CACNG3: variants seen among roughly 807,000 people sequenced by gnomAD.
CACNG3 encodes the protein voltage-dependent calcium channel gamma-3 subunit.
CACNG3 carries 3 observed loss-of-function variants against 28.5 expected under a neutral mutation model. The ratio of observed to expected loss-of-function variants is 0.11; its 90% CI spans 0.05 to 0.27. The LOEUF is 0.27. Ranked by LOEUF, CACNG3 falls within the 10% of genes least tolerant of loss-of-function variation. CACNG3 has a pLI of 1.00. For synonymous variants in CACNG3, 174 were observed against 162.2 expected, an observed-to-expected ratio of 1.07 and a Z score of -0.55; for missense variants, 236 against 414.4, an observed-to-expected ratio of 0.57 and a Z score of 3.74.
chr16:24,297,283 T>C (rs1899044970), intron 1 of CACNG3, among the ~76,000 whole-genome samples: 1 of 150,254 alleles, frequency 6.7e-6, no homozygotes, highest in Non-Finnish European at 1.5e-5. Flanking sequence ...ATAAAATAAA[T>C]AAATAAATAA....
chr16:24,315,296 T>C (rs371989367), intron 1 of CACNG3, among the ~76,000 whole-genome samples: 2 of 152,072 alleles, frequency 1.3e-5, no homozygotes, highest in African/African-American at 4.8e-5. Flanking sequence ...GGGAAGGGTC[T>C]CCTCCGAATC....
chr16:24,256,844 G>T lies in CACNG3; in HGVS notation c.90G>T (p.Thr30=). 1 of 1,612,604 alleles carries T rather than the reference G, an allele frequency of 6.2e-7. No homozygotes were observed. Among genetic ancestry groups the T allele is most frequent in the Non-Finnish European group, 8.5e-7 (1 of 1,178,616 alleles). ...AFSLMTIAVG[T]DYWLYSRGVC... is the part of the protein sequence containing the mutation. ...GTTTAATGACCATTGCAGTGGGCAC[G>T]GACTACTGGTTATATTCCAGAGGTG... Residue 30 remains threonine (T), a synonymous_variant, in exon 1 of 4, where the codon ACG becomes ACT. Coordinates refer to ENST00000005284, the MANE Select transcript of CACNG3 (RefSeq NM_006539.4). This position sits in a 1 kb window ranked among gnomAD's most constrained non-coding sequence, Gnocchi z 4.6.
At chr16:24,332,251 C>T (rs1455487473) in intron 1 of CACNG3, among the ~76,000 whole-genome samples, 1 of 152,166 alleles carries the variant, frequency 6.6e-6, no homozygotes, top group African/African-American at 2.4e-5. Flanking sequence ...CAATTGAGGC[C>T]AGAAGTTTGA....
chr16:24,271,707 C>T (rs1339656831), intron 1 of CACNG3, among the ~76,000 whole-genome samples: 1 of 152,140 alleles, frequency 6.6e-6, no homozygotes, highest in Non-Finnish European at 1.5e-5. Flanking sequence ...GACATGGTTC[C>T]TGTCTTTGGT....
chr16:24,335,938 A>T (rs947843805), intron 1 of CACNG3, among the ~76,000 whole-genome samples: 45 of 151,696 alleles, frequency 3.0e-4, no homozygotes, highest in African/African-American at 9.9e-4. Context: ...TAAAAAACAA[A>T]AAAAAAATCC....
intron 1 of CACNG3, among the ~76,000 whole-genome samples, chr16:24,313,337 T>C (rs979476722): frequency 6.6e-6 from 1 of 152,182 alleles, no homozygotes; most frequent in Non-Finnish European, 1.5e-5. Context: ...CCAAACAACG[T>C]GCCCCAGGTC....
intron 1 of CACNG3, among the ~76,000 whole-genome samples, chr16:24,290,034 G>C (rs778761451): frequency 6.6e-6 from 1 of 152,246 alleles, no homozygotes; most frequent in Non-Finnish European, 1.5e-5. Context: ...CAGGCATAAG[G>C]TTAAGACAAA....
chr16:24,278,725 C>A (rs185886270), intron 1 of CACNG3, among the ~76,000 whole-genome samples: 1 of 152,080 alleles, frequency 6.6e-6, no homozygotes, highest in Non-Finnish European at 1.5e-5. Context: ...TTTTAACAAC[C>A]CTTCATATCT....
chr16:24,358,975 G>A (rs1366645462), intron 3 of CACNG3, among the ~76,000 whole-genome samples: 1 of 152,148 alleles, frequency 6.6e-6, no homozygotes, highest in African/African-American at 2.4e-5. Flanking sequence ...TAAGCGCCCT[G>A]TAAATAATTG....
At chr16:24,271,576 T>G (rs1050199503) in intron 1 of CACNG3, among the ~76,000 whole-genome samples, 2 of 152,104 alleles carry the variant, frequency 1.3e-5, no homozygotes, top group African/African-American at 4.8e-5. Flanking sequence ...AGATGCAAAG[T>G]GAGTGATTTG....
intron 1 of CACNG3, among the ~76,000 whole-genome samples, chr16:24,296,331 T>C (rs1899031675): frequency 6.6e-6 from 1 of 152,224 alleles, no homozygotes; most frequent in Non-Finnish European, 1.5e-5. Context: ...TCCTCTGAAC[T>C]TGCAGCTCTT....
At chr16:24,338,283 C>G (rs1899737705) in intron 1 of CACNG3, among the ~76,000 whole-genome samples, 1 of 152,108 alleles carries the variant, frequency 6.6e-6, no homozygotes, top group Non-Finnish European at 1.5e-5. Flanking sequence ...TCCACTTGCC[C>G]CCACCCAATG....
At chr16:24,288,913 G>GAGAACTGATC (rs1327440603) in intron 1 of CACNG3, among the ~76,000 whole-genome samples, 2 of 152,030 alleles carry the variant, frequency 1.3e-5, no homozygotes, top group Non-Finnish European at 1.5e-5. Flanking sequence ...CTTAATTAGT[G>GAGAACTGATC]AGAACTGATC....
At chr16:24,315,670 CTTCTT>C (rs1054450963) in intron 1 of CACNG3, among the ~76,000 whole-genome samples, 1 of 141,590 alleles carries the variant, frequency 7.1e-6, no homozygotes, top group Non-Finnish European at 1.5e-5. Flanking sequence ...CTCTTTCTTT[CTTCTT>C]TTAACAGTCT....
At chr16:24,336,129 G>A (rs1225309511) in intron 1 of CACNG3, among the ~76,000 whole-genome samples, 1 of 151,694 alleles carries the variant, frequency 6.6e-6, no homozygotes, top group Admixed American at 6.5e-5. Context: ...GGAGGCAGAG[G>A]CAGGAGAATC....
intron 1 of CACNG3, among the ~76,000 whole-genome samples, chr16:24,272,173 G>A (rs182702235): frequency 2.7e-5 from 4 of 149,402 alleles, no homozygotes; most frequent in African/African-American, 4.9e-5. Context: ...ATATTCTTTC[G>A]AGTGGTATAT....
chr16:24,339,159 A>G (rs1899748523), intron 1 of CACNG3, among the ~76,000 whole-genome samples: 1 of 152,184 alleles, frequency 6.6e-6, no homozygotes, highest in Non-Finnish European at 1.5e-5. Context: ...TTTAATTTAA[A>G]AGGGATTAAC....
At chr16:24,287,599 G>A (rs928863539) in intron 1 of CACNG3, among the ~76,000 whole-genome samples, 4 of 150,484 alleles carry the variant, frequency 2.7e-5, no homozygotes, top group Non-Finnish European at 4.4e-5. Context: ...AAACCAACTT[G>A]TTAAACCTTC....
chr16:24,326,174 C>T (rs28419437), intron 1 of CACNG3, among the ~76,000 whole-genome samples: 8 of 140,994 alleles, frequency 5.7e-5, no homozygotes, highest in Admixed American at 2.1e-4. Context: ...TTTCTTTTTT[C>T]TTTTTTTTTT....
Sources: allele counts gnomAD v4.1 joint callset (sites outside exome capture counted in the v4.1 genomes callset), GRCh38; gene constraint gnomAD v4.1.1; non-coding constraint Gnocchi (gnomAD v3.1); transcripts MANE v1.5; gene names NCBI Gene and HGNC (gene_info 2026-07-23, HGNC 2026-07-21).